Variants in CTNNB1 observed in about 807,000 individuals in gnomAD.
CTNNB1 encodes the protein catenin beta 1, also known as catenin beta-1.
Under a neutral mutation model 82.5 loss-of-function variants are expected in CTNNB1, and 6 were observed. The observed-to-expected ratio is 0.07, with a 90% CI of 0.04 to 0.14. The LOEUF is 0.14. Among genes scored for constraint, CTNNB1 ranks in the 10% least tolerant of loss-of-function variants. CTNNB1 has a pLI of 1.00. For synonymous variants in CTNNB1, 312 were observed against 329.7 expected (o/e 0.95, Z 0.58); for missense variants, 529 against 980.4 (o/e 0.54, Z 6.15).
intron 1 of CTNNB1, among the ~76,000 whole-genome samples, chr3:41,201,711 A>C (rs1409929945): frequency 6.6e-6 from 1 of 152,184 alleles, no homozygotes; most frequent in East Asian, 1.9e-4. Context: ...AAAAAAAATA[A>C]GGTGGCTAAT....
rs745872861 is a variant in CTNNB1 at position 41,224,756 on chromosome 3, AAG to A, written c.241+6_241+7del. 8.7e-6 allele frequency: 14 copies of A among 1,612,850 alleles called. No individual in the cohort carries two copies. The highest frequency in any genetic ancestry group is 1.2e-5 in the Non-Finnish European group (14 of 1,179,030). On this transcript the variant is annotated splice_donor_5th_base_variant and intron_variant, in intron 3 of 14. Transcript: ENST00000349496. ...CTTCACTCAAGAACAAGTAGCTGGT[AAG>A]AGTATTATTTTTCATTGCCTTACTG...
chr3:41,211,593 G>A (rs1575293877), intron 1 of CTNNB1, among the ~76,000 whole-genome samples: 1 of 152,108 alleles, frequency 6.6e-6, no homozygotes, highest in Non-Finnish European at 1.5e-5. Flanking sequence ...TGTACCAAAT[G>A]TTTAGCTCAT....
At chr3:41,218,102 C>A (rs545109532) in intron 1 of CTNNB1, among the ~76,000 whole-genome samples, 2 of 151,710 alleles carry the variant, frequency 1.3e-5, no homozygotes, top group Non-Finnish European at 2.9e-5. Context: ...TATTTTTTTA[C>A]GTGTAAATAT....
chr3:41,224,352 A>T, intron 2 of CTNNB1, 174 bp from the exon 3 acceptor site: 1 of 740,692 alleles, frequency 1.4e-6, no homozygotes, highest in East Asian at 2.7e-5. Context: ...TCCCTAAGGG[A>T]TTAGGTATTT....
chr3:41,233,055 T>C (rs1163428373), intron 7 of CTNNB1: 1 of 510,408 alleles, frequency 2.0e-6, no homozygotes, highest in African/African-American at 1.9e-5. Flanking sequence ...TGAAAAGAAA[T>C]GAGTAATAAG....
At chr3:41,219,898 G>A (rs763849236) in intron 1 of CTNNB1, among the ~76,000 whole-genome samples, 7 of 152,158 alleles carry the variant, frequency 4.6e-5, no homozygotes, top group Non-Finnish European at 8.8e-5. Flanking sequence ...GCTCAGAATG[G>A]AGGAGGTAGC....
chr3:41,204,661 C>G (rs982083759), intron 1 of CTNNB1, among the ~76,000 whole-genome samples: 1 of 152,188 alleles, frequency 6.6e-6, no homozygotes, highest in African/African-American at 2.4e-5. Flanking sequence ...AGTGGGAAAT[C>G]CAGATCAATG....
chr3:41,227,434 G>T (rs2125628873), intron 7 of CTNNB1, 82 bp downstream of exon 7: 1 of 1,426,238 alleles, frequency 7.0e-7, no homozygotes, highest in Non-Finnish European at 9.9e-7. Flanking sequence ...AAAGGTGGTA[G>T]AACTTTAACT....
chr3:41,217,849 CT>C (rs1382333261), intron 1 of CTNNB1, among the ~76,000 whole-genome samples: 1 of 152,044 alleles, frequency 6.6e-6, no homozygotes, highest in Admixed American at 6.6e-5. Flanking sequence ...ATGATTCTTT[CT>C]TTTTTTGACT....
intron 7 of CTNNB1, among the ~76,000 whole-genome samples, chr3:41,230,023 A>G (rs2078271045): frequency 6.6e-6 from 1 of 152,208 alleles, no homozygotes; most frequent in Non-Finnish European, 1.5e-5. Flanking sequence ...AAGAAGGAAA[A>G]ATATAAAGGC....
intron 1 of CTNNB1, among the ~76,000 whole-genome samples, chr3:41,202,665 A>G (rs557682390): frequency 8.6e-5 from 13 of 151,976 alleles, no homozygotes; most frequent in African/African-American, 1.2e-4. Context: ...CTAACAGACT[A>G]TTTATGTAAT....
intron 1 of CTNNB1, chr3:41,211,046 G>A (rs1199521204): frequency 1.8e-5 from 8 of 456,384 alleles, no homozygotes; most frequent in Non-Finnish European, 3.5e-5. Flanking sequence ...TCCCACTTTG[G>A]CCTCACAAAG....
At position 41,236,718 on chromosome 3, in the gene CTNNB1, A is replaced by G; in HGVS notation, c.2076+9A>G. 6.2e-7 allele frequency: 1 copy of G among 1,614,060 alleles called. No individual in the cohort carries two copies. ...CAATGGCTTGGAATGAGGTAGGGAA[A>G]TGTGAGCAGTTATTTATCTGGTAGT... On this transcript the variant is annotated intron_variant, in intron 13 of 14. Transcript: ENST00000349496.
chr3:41,233,928 G>A (rs775266319), intron 9 of CTNNB1, 61 bp downstream of exon 9: 2 of 1,555,362 alleles, frequency 1.3e-6, no homozygotes, highest in Non-Finnish European at 1.8e-6. Flanking sequence ...ATCTCTAGCT[G>A]TTGGATGGCT....
chr3:41,230,882 A>T (rs757197291), intron 7 of CTNNB1, among the ~76,000 whole-genome samples: 40 of 152,244 alleles, frequency 2.6e-4, no homozygotes, highest in Non-Finnish European at 4.6e-4. Context: ...CACACCAAAT[A>T]CACTAATGAT....
intron 3 of CTNNB1, 79 bp downstream of exon 3, chr3:41,224,832 T>G (rs1331512940): frequency 6.3e-7 from 1 of 1,595,226 alleles, no homozygotes; most frequent in Admixed American, 1.7e-5. Context: ...TATAATAGTT[T>G]AAATAAAATG....
rs2125640107 is a variant in CTNNB1 at position 41,233,744 on chromosome 3, T to C, written c.1401T>C (p.Ala467=). 1.9e-6 allele frequency: 3 copies of C among 1,614,086 alleles called. No individual in the cohort carries two copies. The highest frequency in any genetic ancestry group is 2.2e-5 in the South Asian group (2 of 91,062). The change falls in exon 9 of 15, where the codon GCT becomes GCC. Residue 467 remains alanine (A), a synonymous_variant. Coordinates refer to ENST00000349496, the MANE Select transcript of CTNNB1 (RefSeq NM_001904.4). ...ACATCACTGAGCCTGCCATCTGTGC[T>C]CTTCGTCATCTGACCAGCCGACACC... is the stretch of plus-strand genomic sequence containing the variant. The part of the protein sequence containing the change: ...REDITEPAIC[A]LRHLTSRHQE...
At position 41,211,110 on chromosome 3, in the gene CTNNB1, A is replaced by G. The variant is rs2077774814; in HGVS notation, c.-49+11440A>G. Reference sequence around the variant, plus strand: ...GTCTGGCCCACTGTACTTTTATACAACTGAAGCACAGTAAACCTACTGTGG... The same window carrying G: ...GTCTGGCCCACTGTACTTTTATACAGCTGAAGCACAGTAAACCTACTGTGG... On this transcript the variant is annotated intron_variant, in intron 1 of 14. Transcript: ENST00000349496. 8.8e-6 allele frequency: 4 copies of G among 456,334 alleles called. No individual in the cohort carries two copies. In the Admixed American group the frequency reaches 9.4e-5, roughly 11 times the overall value. 28.3% of individuals were successfully genotyped at this position (456,334 alleles called of 1,614,324 possible).
intron 7 of CTNNB1, among the ~76,000 whole-genome samples, chr3:41,231,453 C>T (rs979000224): frequency 2.0e-5 from 3 of 152,060 alleles, no homozygotes; most frequent in African/African-American, 7.2e-5. Context: ...AGAGCCATAA[C>T]ATGCAGGACT....
Sources: gnomAD v4.1 joint callset for allele counts (sites outside exome capture counted in the v4.1 genomes callset) on GRCh38, gnomAD v4.1.1 for gene constraint, MANE v1.5 for transcripts, NCBI Gene and HGNC (gene_info 2026-07-23, HGNC 2026-07-21) for gene names.